DRG1: variants seen among roughly 807,000 people sequenced by gnomAD.
The protein encoded by DRG1 is developmentally-regulated GTP-binding protein 1.
Under a neutral mutation model 38.8 loss-of-function variants are expected in DRG1, and 19 were observed. The ratio of observed to expected loss-of-function variants is 0.49; its 90% CI spans 0.34 to 0.72. The LOEUF (loss-of-function observed/expected upper bound fraction) is 0.72. Ranked by LOEUF, DRG1 falls within the 30% of genes least tolerant of loss-of-function variation. The pLI is 0.01. For missense variants in DRG1, 299 were observed against 444.8 expected (o/e 0.67, Z 2.95); for synonymous variants, 167 against 157.5 (o/e 1.06, Z -0.45).
At chr22:31,431,798 C>T (rs1299449430) in intron 8 of DRG1, among the ~76,000 whole-genome samples, 1 of 152,172 alleles carries the variant, frequency 6.6e-6, no homozygotes, top group African/African-American at 2.4e-5. Context: ...CTAATTTCCA[C>T]CACAGTCAAA....
At chr22:31,430,507 C>G (rs1451908447) in intron 8 of DRG1, among the ~76,000 whole-genome samples, 3 of 151,856 alleles carry the variant, frequency 2.0e-5, no homozygotes, top group African/African-American at 7.2e-5. Flanking sequence ...TCACGCCATT[C>G]TCCTGCCTCA....
In DRG1 at chr22:31,411,066, C is replaced by G; in HGVS notation, c.397C>G (p.Arg133Gly). The part of the protein sequence containing the change: ...EGAKDGKGRG[R>G]QVIAVARTCN... ...TGCCAAGGATGGGAAAGGTAGAGGT[C>G]GTCAAGTCATTGCAGGTGAGTGGTT... The change falls in exon 4 of 9, where the codon CGT becomes GGT. Residue 133 changes from arginine to glycine, a missense_variant. Coordinates refer to ENST00000331457, the MANE Select transcript of DRG1 (RefSeq NM_004147.4). 1 of 1,613,794 alleles carries G rather than the reference C, an allele frequency of 6.2e-7. No individual in the cohort carries two copies. Among genetic ancestry groups the G allele is most frequent in the Non-Finnish European group, 8.5e-7 (1 of 1,179,838 alleles).
intron 7 of DRG1, 123 bp downstream of exon 7, chr22:31,426,905 A>G (rs890400584): frequency 3.2e-5 from 47 of 1,489,348 alleles, no homozygotes; most frequent in Non-Finnish European, 4.2e-5. Flanking sequence ...ATTGGTTCCT[A>G]TTATCTACTA....
At chr22:31,417,020 T>C (rs575850572) in intron 4 of DRG1, among the ~76,000 whole-genome samples, 2 of 149,996 alleles carry the variant, frequency 1.3e-5, no homozygotes, top group South Asian at 4.2e-4. Flanking sequence ...GCCATGATCA[T>C]GCCACTGCAC....
At chr22:31,400,791 A>C in intron 2 of DRG1, 48 bp downstream of exon 2, 3 of 1,577,554 alleles carry the variant, frequency 1.9e-6, no homozygotes, top group Non-Finnish European at 1.7e-6. Flanking sequence ...AATTTTTGTC[A>C]AAATAGTACA....
chr22:31,409,878 C>G (rs2050009254), intron 3 of DRG1, among the ~76,000 whole-genome samples: 1 of 152,018 alleles, frequency 6.6e-6, no homozygotes, highest in African/African-American at 2.4e-5. Flanking sequence ...CCCTGTAGTC[C>G]CAGCTACTCT....
At chr22:31,417,024 A>G (rs187053656) in intron 4 of DRG1, among the ~76,000 whole-genome samples, 24 of 150,052 alleles carry the variant, frequency 1.6e-4, no homozygotes, top group African/African-American at 5.7e-4. Flanking sequence ...TGATCATGCC[A>G]CTGCACTGCA....
At chr22:31,411,116 A>G (rs1461159755) in intron 4 of DRG1, 35 bp downstream of exon 4, 7 of 1,605,792 alleles carry the variant, frequency 4.4e-6, no homozygotes, top group African/African-American at 1.3e-5. Flanking sequence ...CTGGGATATC[A>G]TTCCCTTCTC....
intron 2 of DRG1, among the ~76,000 whole-genome samples, chr22:31,402,489 T>A (rs542260672): frequency 9.9e-4 from 148 of 149,364 alleles, no homozygotes; most frequent in African/African-American, 3.2e-3. Flanking sequence ...TTTTCATACA[T>A]ATATTTGGGC....
intron 3 of DRG1, 89 bp downstream of exon 3, chr22:31,403,293 G>A: frequency 7.4e-7 from 1 of 1,355,552 alleles, no homozygotes; most frequent in Non-Finnish European, 9.9e-7. Context: ...TGCCAGGCCT[G>A]ATCTTTGATC....
intron 5 of DRG1, among the ~76,000 whole-genome samples, chr22:31,422,452 A>G (rs2050082424): frequency 6.6e-6 from 1 of 152,184 alleles, no homozygotes; most frequent in South Asian, 2.1e-4. Context: ...AAAGAAAGAA[A>G]AGAGACTCAG....
intron 4 of DRG1, among the ~76,000 whole-genome samples, chr22:31,419,725 G>C (rs916767416): frequency 6.6e-6 from 1 of 151,996 alleles, no homozygotes; most frequent in African/African-American, 2.4e-5. Context: ...AAAAAAAATT[G>C]TACCTCAATA....
At position 31,411,531 on chromosome 22, in the gene DRG1, T is replaced by C. The variant is rs1488175562; in HGVS notation, c.412+450T>C. ...TACAGTTAAATTTTTCTGTCTTTTC[T>C]TTTTTTTTTTTTTTTTGGGACAGTG... On this transcript the variant is annotated intron_variant, in intron 4 of 8. Transcript: ENST00000331457. Among the ~76,000 whole-genome samples the C allele has an allele frequency of 4.5e-5, 3 of 66,974 alleles. No individual in the cohort carries two copies. The East Asian group carries it at 2.2e-3, about 49-fold the overall frequency. 43.9% of individuals were successfully genotyped at this position (66,974 alleles called of 152,430 possible).
chr22:31,414,508 C>T (rs1229856119), intron 4 of DRG1, among the ~76,000 whole-genome samples: 2 of 152,146 alleles, frequency 1.3e-5, no homozygotes, highest in African/African-American at 2.4e-5. Flanking sequence ...ACTTGCTCTT[C>T]CCTTAGTCTT....
chr22:31,410,245 A>G lies in DRG1; in HGVS notation c.343-767A>G, dbSNP rs1040834743. Among the ~76,000 whole-genome samples the G allele has an allele frequency of 3.3e-5, 5 of 152,014 alleles. No homozygotes were observed. In the East Asian group the frequency reaches 7.7e-4, roughly 23 times the overall value. On this transcript the variant is annotated intron_variant, in intron 3 of 8. Transcript: ENST00000331457. ...GTCGAGGCGGGCAGATCTCGAGTTCAGGAGTTTGAGACCAGCCTGGCCAAT... is the reference window on the plus strand; with the variant it reads ...GTCGAGGCGGGCAGATCTCGAGTTCGGGAGTTTGAGACCAGCCTGGCCAAT...
At chr22:31,402,667 G>C (rs191775447) in intron 2 of DRG1, among the ~76,000 whole-genome samples, 18 of 152,008 alleles carry the variant, frequency 1.2e-4, no homozygotes, top group African/African-American at 4.3e-4. Context: ...ATGCCACCAT[G>C]CCTGGCTAAT....
intron 6 of DRG1, among the ~76,000 whole-genome samples, chr22:31,423,768 C>A (rs1361770592): frequency 6.6e-6 from 1 of 151,828 alleles, no homozygotes; most frequent in African/African-American, 2.4e-5. Flanking sequence ...CTCAAGTGAT[C>A]CGTCTGCCTC....
At chr22:31,417,449 G>C (rs1283122673) in intron 4 of DRG1, among the ~76,000 whole-genome samples, 7 of 152,122 alleles carry the variant, frequency 4.6e-5, no homozygotes, top group African/African-American at 1.2e-4. Context: ...GGAGGCTGAG[G>C]GGGGTGGATC....
At chr22:31,408,359 G>C (rs1282725017) in intron 3 of DRG1, among the ~76,000 whole-genome samples, 1 of 149,488 alleles carries the variant, frequency 6.7e-6, no homozygotes, top group African/African-American at 2.5e-5. Context: ...GGCCAAGCTG[G>C]TCTTGATCTC....
Sources: gnomAD v4.1 joint callset for allele counts (sites outside exome capture counted in the v4.1 genomes callset) on GRCh38, gnomAD v4.1.1 for gene constraint, MANE v1.5 for transcripts, NCBI Gene and HGNC (gene_info 2026-07-23, HGNC 2026-07-21) for gene names.